ZNF148: variants seen among roughly 807,000 people sequenced by gnomAD.
The protein encoded by ZNF148 is zinc finger protein 148.
A neutral mutation model predicts 67.7 loss-of-function variants in ZNF148; 7 were observed. The ratio of observed to expected loss-of-function variants is 0.10; its 90% CI spans 0.06 to 0.19. The LOEUF (loss-of-function observed/expected upper bound fraction) is 0.19, where lower values mean the gene tolerates loss of function less well. Ranked by LOEUF, ZNF148 falls within the 10% of genes least tolerant of loss-of-function variation. The pLI is 1.00. For missense variants in ZNF148, 583 were observed against 947.1 expected (o/e 0.62, Z 5.05); for synonymous variants, 333 against 330.7 (o/e 1.01, Z -0.08).
intron 7 of ZNF148, among the ~76,000 whole-genome samples, chr3:125,249,291 A>C (rs1313891117): frequency 1.3e-5 from 2 of 152,202 alleles, no homozygotes; most frequent in Non-Finnish European, 2.9e-5. Flanking sequence ...TAATATCCAA[A>C]ATGCAAAAGG....
intron 5 of ZNF148, among the ~76,000 whole-genome samples, chr3:125,285,154 TG>T (rs548923025): frequency 7.9e-5 from 12 of 152,286 alleles, no homozygotes; most frequent in Admixed American, 7.8e-4. Flanking sequence ...ATATTCACAA[TG>T]GCAAGATTTT....
chr3:125,269,759 G>A (rs1214922638), intron 7 of ZNF148, among the ~76,000 whole-genome samples: 1 of 152,162 alleles, frequency 6.6e-6, no homozygotes, highest in Non-Finnish European at 1.5e-5. Flanking sequence ...ATACACCATG[G>A]AATACTACAC....
intron 4 of ZNF148, among the ~76,000 whole-genome samples, chr3:125,311,702 A>T (rs1183532089): frequency 3.3e-5 from 5 of 152,126 alleles, no homozygotes; most frequent in Non-Finnish European, 5.9e-5. Flanking sequence ...TTACTGTCTT[A>T]AGACAAGAAA....
chr3:125,276,497 G>T (rs9816044), intron 7 of ZNF148, among the ~76,000 whole-genome samples: 4 of 151,736 alleles, frequency 2.6e-5, no homozygotes, highest in Non-Finnish European at 5.9e-5. Context: ...GCAATGGCGC[G>T]ATCTCGACTC....
intron 1 of ZNF148, among the ~76,000 whole-genome samples, chr3:125,336,677 C>CTTGTTT (rs1171875628): frequency 1.0e-5 from 1 of 95,306 alleles, no homozygotes; most frequent in African/African-American, 4.5e-5. Flanking sequence ...CAGAAATCAC[C>CTTGTTT]TTTTTTTTTT....
In ZNF148 at chr3:125,302,526, A is replaced by C. The variant is rs1939650102; in HGVS notation, c.333+10782T>G. On this transcript the variant is annotated intron_variant, in intron 4 of 8. Transcript: ENST00000360647. ...TGTCTCTTATGTTCTACTATAAACC[A>C]ATGTTATGCAAACACTTTGCAAATT... Among the ~76,000 whole-genome samples, 3 of 152,220 alleles carry C rather than the reference A, an allele frequency of 2.0e-5. No individual in the cohort carries two copies. The South Asian group carries it at 6.2e-4, about 31-fold the overall frequency.
At chr3:125,305,520 T>C (rs1026437260) in intron 4 of ZNF148, among the ~76,000 whole-genome samples, 10 of 152,108 alleles carry the variant, frequency 6.6e-5, no homozygotes, top group African/African-American at 2.2e-4. Flanking sequence ...AGTTAAAGAA[T>C]ACAATTAGTG....
chr3:125,281,484 A>G (rs1041580544), intron 5 of ZNF148, among the ~76,000 whole-genome samples: 1 of 152,230 alleles, frequency 6.6e-6, no homozygotes, highest in Non-Finnish European at 1.5e-5. Flanking sequence ...AACAAATAAG[A>G]AAATCCAACT....
intron 4 of ZNF148, among the ~76,000 whole-genome samples, chr3:125,303,878 G>T (rs1033595444): frequency 6.6e-6 from 1 of 151,928 alleles, no homozygotes; most frequent in Non-Finnish European, 1.5e-5. Context: ...TACTCAACAT[G>T]GGATACACTG....
chr3:125,266,435 C>T (rs1018566513), intron 7 of ZNF148, among the ~76,000 whole-genome samples: 1 of 152,152 alleles, frequency 6.6e-6, no homozygotes, highest in Admixed American at 6.5e-5. Flanking sequence ...CAAAACCACA[C>T]AATTACTAGA....
intron 7 of ZNF148, among the ~76,000 whole-genome samples, chr3:125,238,786 T>C (rs899509719): frequency 3.9e-5 from 6 of 152,192 alleles, no homozygotes; most frequent in Admixed American, 1.3e-4. Flanking sequence ...ATTGAAAACA[T>C]GGATTCAAAC....
intron 4 of ZNF148, among the ~76,000 whole-genome samples, chr3:125,293,513 C>A (rs758290937): frequency 1.3e-5 from 2 of 151,868 alleles, no homozygotes; most frequent in Non-Finnish European, 2.9e-5. Context: ...AGAGCTGGGT[C>A]GGGGAAAAAT....
intron 5 of ZNF148, 36 bp downstream of exon 5, chr3:125,288,067 A>G: frequency 2.5e-6 from 4 of 1,612,856 alleles, no homozygotes; most frequent in Non-Finnish European, 3.4e-6. Flanking sequence ...GTTGGAATTA[A>G]GAGGTTGTGA....
chr3:125,266,716 G>C (rs147159540), intron 7 of ZNF148, among the ~76,000 whole-genome samples: 1 of 151,868 alleles, frequency 6.6e-6, no homozygotes, highest in East Asian at 1.9e-4. Flanking sequence ...AAAGAAAACA[G>C]AGTAGAAATG....
chr3:125,337,016 C>CAAA (rs1296364662), intron 1 of ZNF148, among the ~76,000 whole-genome samples: 17 of 115,350 alleles, frequency 1.5e-4, no homozygotes, highest in African/African-American at 2.5e-4. Context: ...TCTACTCTCA[C>CAAA]AAAAAAAAAA....
intron 7 of ZNF148, among the ~76,000 whole-genome samples, chr3:125,248,509 A>G (rs1282304412): frequency 6.6e-6 from 1 of 152,238 alleles, no homozygotes; most frequent in Non-Finnish European, 1.5e-5. Flanking sequence ...CCTTTAAAAA[A>G]ATTAACTAGG....
chr3:125,253,391 G>C (rs1385052932), intron 7 of ZNF148, among the ~76,000 whole-genome samples: 1 of 152,042 alleles, frequency 6.6e-6, no homozygotes, highest in African/African-American at 2.4e-5. Context: ...AATTTTCTAT[G>C]TATTTAAAAT....
intron 7 of ZNF148, among the ~76,000 whole-genome samples, chr3:125,271,275 C>A (rs1213153422): frequency 6.6e-6 from 1 of 152,200 alleles, no homozygotes; most frequent in Admixed American, 6.5e-5. Flanking sequence ...CCCCCACTCT[C>A]CCCGTCCTTC....
rs1940870337 is a variant in ZNF148 at position 125,323,421 on chromosome 3, T to C, written c.-129A>G. The C allele has an allele frequency of 1.5e-6, 1 of 689,564 alleles. No individual in the cohort carries two copies. Among genetic ancestry groups the C allele is most frequent in the African/African-American group, 1.8e-5 (1 of 56,632 alleles). The allele number at this position is 689,564 out of a possible 1,614,324, so 42.7% of individuals were successfully genotyped here. A position where few individuals can be genotyped will look rare whatever the true frequency, so the allele number is the denominator to read the frequency against. On this transcript the variant is annotated 5_prime_UTR_variant, in exon 3 of 9. It removes the in-frame stop codon of an upstream open reading frame in the 5' UTR. Transcript: ENST00000360647. ...GGCTTCAGAAATCCTCAATACCACC[T>C]TAATCACTTATGCCATCCGATTCCT...
Sources: allele counts gnomAD v4.1 joint callset (sites outside exome capture counted in the v4.1 genomes callset), GRCh38; gene constraint gnomAD v4.1.1; transcripts MANE v1.5; gene names NCBI Gene and HGNC (gene_info 2026-07-23, HGNC 2026-07-21).